ATP5PB: variants seen among roughly 807,000 people sequenced by gnomAD.
ATP5PB encodes ATP synthase peripheral stalk subunit b, mitochondrial.
A neutral mutation model predicts 34.5 loss-of-function variants in ATP5PB; 21 were observed. The ratio of observed to expected loss-of-function variants is 0.61; its 90% CI spans 0.43 to 0.88. ATP5PB has a LOEUF of 0.88. Among genes scored for constraint, ATP5PB ranks in the 40% least tolerant of loss-of-function variants. The pLI, the probability that ATP5PB is intolerant of heterozygous loss-of-function variation, is 0.00. For synonymous variants in ATP5PB, 108 were observed against 114.1 expected (o/e 0.95, Z 0.34); for missense variants, 293 against 317.4 (o/e 0.92, Z 0.58).
Position 111,460,955 on chromosome 1 carries a change from G to C in ATP5PB, c.732G>C (p.Lys244Asn), listed in dbSNP as rs755140912. The C allele has an allele frequency of 6.2e-7, 1 of 1,613,006 alleles. No individual in the cohort carries two copies. The highest frequency in any genetic ancestry group is 2.2e-5 in the East Asian group (1 of 44,866). Residue 244 changes from lysine (K) to asparagine (N), a missense_variant, in exon 7 of 7, where the codon AAG (lysine) becomes AAC (asparagine). Physicochemically the swap from Lys to Asn is moderately conservative, Grantham distance 94 (BLOSUM62 0). Coordinates refer to ENST00000369722, the MANE Select transcript of ATP5PB (RefSeq NM_001688.5). ...ETIAKCIADL[K>N]LLAKKAQAQP... is the part of the protein sequence containing the mutation. ...TTGCCAAGTGCATTGCGGACCTAAA[G>C]CTGCTGGCAAAGAAGGCTCAAGCAC...
rs745532829 is a variant in ATP5PB at position 111,454,444 on chromosome 1, G to A, written c.223+88G>A. 5.2e-6 allele frequency: 7 copies of A among 1,351,326 alleles called. No homozygotes were observed. In the East Asian group the frequency reaches 1.4e-4, roughly 28 times the overall value. The allele number at this position is 1,351,326 out of a possible 1,614,324, so 83.7% of individuals were successfully genotyped here. A position where few individuals can be genotyped will look rare whatever the true frequency, so the allele number is the denominator to read the frequency against. On this transcript the variant is annotated intron_variant, in intron 3 of 6. Transcript: ENST00000369722. ...TGGGTTTTCTTCTTTGGTTTTTGTT[G>A]TTGTTGTTGTTGTTGTTGTTGTTGT...
At chr1:111,454,744 G>A (rs574759576) in intron 3 of ATP5PB, among the ~76,000 whole-genome samples, 3 of 152,098 alleles carry the variant, frequency 2.0e-5, no homozygotes, top group Non-Finnish European at 2.9e-5. Context: ...GCCTGCAGCC[G>A]CAAGTCAGCT....
chr1:111,450,126 A>T (rs1027276434), intron 2 of ATP5PB, among the ~76,000 whole-genome samples: 3 of 152,130 alleles, frequency 2.0e-5, no homozygotes, highest in Non-Finnish European at 4.4e-5. Flanking sequence ...TGTCTTCTAT[A>T]CCCGCCCTAC....
At chr1:111,457,125 G>T (rs542341823) in intron 5 of ATP5PB, among the ~76,000 whole-genome samples, 1 of 152,150 alleles carries the variant, frequency 6.6e-6, no homozygotes, top group Non-Finnish European at 1.5e-5. Flanking sequence ...CATCTTTGCT[G>T]TAAGGAAATC....
rs1306139569 is a variant in ATP5PB at position 111,462,396 on chromosome 1, T to C, written c.*1402T>C. The C allele has an allele frequency of 2.0e-5, 3 of 152,260 alleles. No homozygotes were observed. The highest frequency in any genetic ancestry group is 7.2e-5 in the African/African-American group (3 of 41,466). 9.4% of individuals were successfully genotyped at this position (152,260 alleles called of 1,614,324 possible). A position where few individuals can be genotyped will look rare whatever the true frequency, so the allele number is the denominator to read the frequency against. ...ATTAAGGATGTATTTAATACTGTTC[T>C]TAAATGGTACACTTAAAAATGGTAA... On this transcript the variant is annotated 3_prime_UTR_variant, in exon 7 of 7. Coordinates refer to ENST00000369722, the MANE Select transcript of ATP5PB (RefSeq NM_001688.5).
chr1:111,459,658 T>A (rs1268022470), intron 6 of ATP5PB, 22 bp downstream of exon 6: 1 of 1,609,804 alleles, frequency 6.2e-7, no homozygotes, highest in East Asian at 2.2e-5. Flanking sequence ...TTTTGTAGGT[T>A]CTGATGTTGT....
At chr1:111,449,741 G>C in intron 1 of ATP5PB, 96 bp from the exon 2 acceptor site, 2 of 1,586,894 alleles carry the variant, frequency 1.3e-6, no homozygotes, top group Non-Finnish European at 1.7e-6. Flanking sequence ...CGGGAAAGAG[G>C]GGTACATAGG....
intron 2 of ATP5PB, among the ~76,000 whole-genome samples, chr1:111,453,679 A>C (rs1312269762): frequency 6.6e-6 from 1 of 152,228 alleles, no homozygotes; most frequent in Non-Finnish European, 1.5e-5. Context: ...ACAACATATC[A>C]GGCATATAAT....
rs1158148932 is a variant in ATP5PB, at chr1:111,459,535, G to A, written c.592G>A (p.Asp198Asn). 3.7e-6 allele frequency: 6 copies of A among 1,613,806 alleles called. No individual in the cohort carries two copies. The African/African-American group carries it at 4.0e-5, about 11-fold the overall frequency. The change falls in exon 6 of 7, where the codon GAC (aspartate) becomes AAC (asparagine). Residue 198 changes from aspartate to asparagine, a missense_variant. Asp to Asn is a conservative substitution (Grantham distance 23). Transcript: ENST00000369722. ...ATATAAGGAAGTAAAGAATCGCCTG[G>A]ACTATCATATATCTGTGCAGAACAT... ...RVYKEVKNRL[D>N]YHISVQNMMR...
At position 111,461,025 on chromosome 1, in the gene ATP5PB, A is replaced by G. The variant is rs1453668472; in HGVS notation, c.*31A>G. ...TCTATCCCAATTGAGACAGCTAGAA[A>G]CAGTTGACTGACTAAATGGAAACTA... On this transcript the variant is annotated 3_prime_UTR_variant, in exon 7 of 7. Coordinates refer to ENST00000369722, the MANE Select transcript of ATP5PB (RefSeq NM_001688.5). 1.3e-6 allele frequency: 2 copies of G among 1,585,046 alleles called. No homozygotes were observed. Among genetic ancestry groups the G allele is most frequent in the Admixed American group, 1.7e-5 (1 of 59,816 alleles).
At chr1:111,451,991 C>T (rs1182607674) in intron 2 of ATP5PB, among the ~76,000 whole-genome samples, 1 of 151,928 alleles carries the variant, frequency 6.6e-6, no homozygotes, top group Non-Finnish European at 1.5e-5. Context: ...TTGTGGTGTA[C>T]ACCTGTACTC....
intron 5 of ATP5PB, among the ~76,000 whole-genome samples, chr1:111,458,698 G>A (rs139325544): frequency 6.7e-6 from 1 of 149,384 alleles, no homozygotes; most frequent in African/African-American, 2.6e-5. Flanking sequence ...TTGCCTTGTT[G>A]CCAATAGCCT....
intron 2 of ATP5PB, among the ~76,000 whole-genome samples, chr1:111,450,994 C>T (rs1364348195): frequency 6.6e-6 from 1 of 152,214 alleles, no homozygotes; most frequent in Non-Finnish European, 1.5e-5. Context: ...GCTTCCACTA[C>T]CGCTAAAGTA....
chr1:111,454,068 C>A, intron 2 of ATP5PB, 143 bp from the exon 3 acceptor site: 1 of 889,302 alleles, frequency 1.1e-6, no homozygotes, highest in Non-Finnish European at 1.6e-6. Flanking sequence ...CTAACCTTCC[C>A]ATTCCCAGTC....
intron 5 of ATP5PB, among the ~76,000 whole-genome samples, chr1:111,457,489 T>A (rs1462684379): frequency 6.6e-6 from 1 of 152,226 alleles, no homozygotes; most frequent in Non-Finnish European, 1.5e-5. Flanking sequence ...ACTTTATGGC[T>A]AATATTTAAA....
chr1:111,460,709 C>T (rs531335574), intron 6 of ATP5PB, among the ~76,000 whole-genome samples: 1 of 152,096 alleles, frequency 6.6e-6, no homozygotes, highest in African/African-American at 2.4e-5. Flanking sequence ...TTTTAACTAA[C>T]CCCCTGGATT....
At chr1:111,453,145 G>C (rs536392631) in intron 2 of ATP5PB, among the ~76,000 whole-genome samples, 1 of 152,140 alleles carries the variant, frequency 6.6e-6, no homozygotes, top group South Asian at 2.1e-4. Flanking sequence ...AAAACTTGAA[G>C]GAGACTAAAT....
rs1354416447 is a variant in ATP5PB, at chr1:111,461,797, A to G, written c.*803A>G. ...GCGCCTGTAATCCCAGCTACTCAGG[A>G]GGCTGAGGCAGGAGAATTGCTTGAA... On this transcript the variant is annotated 3_prime_UTR_variant, in exon 7 of 7. Coordinates refer to ENST00000369722, the MANE Select transcript of ATP5PB (RefSeq NM_001688.5). 1 of 151,950 alleles carries G rather than the reference A, an allele frequency of 6.6e-6. No homozygotes were observed. The highest frequency in any genetic ancestry group is 1.5e-5 in the Non-Finnish European group (1 of 68,058). The allele number at this position is 151,950 out of a possible 1,614,324, so 9.4% of individuals were successfully genotyped here. A position where few individuals can be genotyped will look rare whatever the true frequency, so the allele number is the denominator to read the frequency against.
Position 111,459,563 on chromosome 1 carries a change from T to G in ATP5PB, c.620T>G (p.Met207Arg), listed in dbSNP as rs1262411680. The G allele has an allele frequency of 6.2e-7, 1 of 1,613,940 alleles. No homozygotes were observed. The highest frequency in any genetic ancestry group is 8.5e-7 in the Non-Finnish European group (1 of 1,179,860). Residue 207 changes from methionine to arginine, a missense_variant, in exon 6 of 7, where the codon ATG (methionine) becomes AGG (arginine). Physicochemically the swap from Met to Arg is moderately conservative, Grantham distance 91. Coordinates refer to ENST00000369722, the MANE Select transcript of ATP5PB (RefSeq NM_001688.5). ...TATCATATATCTGTGCAGAACATGA[T>G]GCGTCGAAAGGAACAAGAACACATG... The part of the protein sequence containing the change: ...LDYHISVQNM[M>R]RRKEQEHMIN...
Sources: allele counts gnomAD v4.1 joint callset (sites outside exome capture counted in the v4.1 genomes callset), GRCh38; gene constraint gnomAD v4.1.1; transcripts MANE v1.5; gene names NCBI Gene and HGNC (gene_info 2026-07-23, HGNC 2026-07-21).